STRN3: variants seen among roughly 807,000 people sequenced by gnomAD.
STRN3 encodes the protein striatin-3.
A neutral mutation model predicts 95.6 loss-of-function variants in STRN3; 29 were observed. The observed-to-expected ratio is 0.30, with a 90% CI of 0.23 to 0.41. STRN3 has a LOEUF of 0.41. Ranked by LOEUF, STRN3 falls within the 10% of genes least tolerant of loss-of-function variation. The pLI is 1.00. For synonymous variants in STRN3, 331 were observed against 357.6 expected (o/e 0.93, Z 0.84); for missense variants, 890 against 972.1 (o/e 0.92, Z 1.12).
At chr14:30,935,437 A>T (rs948097932) in intron 6 of STRN3, 133 bp from the exon 7 acceptor site, 104 of 937,952 alleles carry the variant, frequency 1.1e-4, no homozygotes, top group Non-Finnish European at 1.5e-4. Flanking sequence ...CTCCTATGTA[A>T]TTCACAAATC....
intron 16 of STRN3, 53 bp downstream of exon 16, chr14:30,902,483 G>T (rs777113986): frequency 6.0e-5 from 74 of 1,235,834 alleles, no homozygotes; most frequent in African/African-American, 9.2e-5. Context: ...CAGCATTTTT[G>T]ATCATCTCAA....
At chr14:30,915,491 G>T (rs1896715588) in intron 9 of STRN3, among the ~76,000 whole-genome samples, 1 of 152,112 alleles carries the variant, frequency 6.6e-6, no homozygotes. Flanking sequence ...GACACTTATT[G>T]AATCTGAATA....
rs148896753 is a variant in STRN3 at position 30,989,506 on chromosome 14, G to A, written c.283-33264C>T. Among the ~76,000 whole-genome samples the A allele has an allele frequency of 5.2e-3, 785 of 152,194 alleles. 3 individuals carry two copies. Among genetic ancestry groups the A allele is most frequent in the African/African-American group, 0.018 (728 of 41,530 alleles). ...GATGGAGTCTGGCTCTGTCGCCCAG[G>A]CTGGAGTGCAGTGGCGCAATCTCAA... On this transcript the variant is annotated intron_variant, in intron 1 of 17. Coordinates refer to ENST00000357479, the MANE Select transcript of STRN3 (RefSeq NM_001083893.2).
At chr14:30,953,369 A>T (rs938889473) in intron 3 of STRN3, among the ~76,000 whole-genome samples, 1 of 152,208 alleles carries the variant, frequency 6.6e-6, no homozygotes, top group Non-Finnish European at 1.5e-5. Flanking sequence ...TTTTGAATAT[A>T]ATAATTTCTT....
intron 1 of STRN3, among the ~76,000 whole-genome samples, chr14:30,985,028 T>C (rs1433986301): frequency 6.6e-6 from 1 of 152,096 alleles, no homozygotes; most frequent in African/African-American, 2.4e-5. Flanking sequence ...CAAAAATATT[T>C]TATCTTGGCC....
intron 8 of STRN3, among the ~76,000 whole-genome samples, chr14:30,922,665 T>TA (rs1352025662): frequency 6.6e-6 from 1 of 152,312 alleles, no homozygotes; most frequent in Non-Finnish European, 1.5e-5. Flanking sequence ...CTGGAAAAGA[T>TA]ACGCTTATTT....
At chr14:30,973,967 T>C (rs1214563519) in intron 1 of STRN3, among the ~76,000 whole-genome samples, 2 of 152,188 alleles carry the variant, frequency 1.3e-5, no homozygotes, top group Non-Finnish European at 2.9e-5. Context: ...TACTTCATCA[T>C]AATAAAAGCC....
intron 11 of STRN3, 62 bp downstream of exon 11, chr14:30,911,945 G>A (rs1896621674): frequency 1.9e-6 from 3 of 1,573,586 alleles, no homozygotes; most frequent in African/African-American, 2.7e-5. Context: ...CAATAATGAG[G>A]AATAATTACT....
At chr14:31,009,496 T>C (rs559397760) in intron 1 of STRN3, among the ~76,000 whole-genome samples, 2 of 145,334 alleles carry the variant, frequency 1.4e-5, no homozygotes, top group East Asian at 2.2e-4. Context: ...CGCGCCCCAG[T>C]TGAAAACCAC....
intron 1 of STRN3, among the ~76,000 whole-genome samples, chr14:30,992,672 A>G (rs1029435494): frequency 6.6e-6 from 1 of 151,678 alleles, no homozygotes; most frequent in African/African-American, 2.4e-5. Context: ...ACTGGTGCTC[A>G]GCTCAATTCA....
chr14:30,935,403 T>C, intron 6 of STRN3, 99 bp from the exon 7 acceptor site: 1 of 1,340,384 alleles, frequency 7.5e-7, no homozygotes, highest in East Asian at 2.5e-5. Flanking sequence ...CATTTTAAAA[T>C]TACTTGGATC....
At chr14:30,961,505 C>T (rs553993699) in intron 1 of STRN3, among the ~76,000 whole-genome samples, 7 of 152,196 alleles carry the variant, frequency 4.6e-5, no homozygotes, top group Admixed American at 1.3e-4. Flanking sequence ...ACGCATTAGA[C>T]GCATTATTCA....
intron 1 of STRN3, among the ~76,000 whole-genome samples, chr14:31,015,848 G>C (rs2139337459): frequency 6.6e-6 from 1 of 152,296 alleles, no homozygotes; most frequent in African/African-American, 2.4e-5. Flanking sequence ...ACCCAGGCCG[G>C]AGTGCAGTGG....
chr14:30,940,066 C>T (rs1879020668), intron 5 of STRN3, among the ~76,000 whole-genome samples: 1 of 151,870 alleles, frequency 6.6e-6, no homozygotes, highest in African/African-American at 2.4e-5. Context: ...AAGGATGTTA[C>T]CACTATTCTC....
intron 5 of STRN3, among the ~76,000 whole-genome samples, chr14:30,937,589 TAAC>T (rs1878885383): frequency 6.6e-6 from 1 of 152,168 alleles, no homozygotes; most frequent in South Asian, 2.1e-4. Flanking sequence ...TTTAAGTGTC[TAAC>T]AATAAAGGCA....
intron 1 of STRN3, among the ~76,000 whole-genome samples, chr14:30,962,432 C>T (rs1880258088): frequency 6.6e-6 from 1 of 152,134 alleles, no homozygotes; most frequent in South Asian, 2.1e-4. Flanking sequence ...GAGACAATGC[C>T]ACAGGCCTAC....
chr14:30,901,101 C>T (rs764489330), intron 16 of STRN3, among the ~76,000 whole-genome samples: 14 of 151,930 alleles, frequency 9.2e-5, no homozygotes, highest in Non-Finnish European at 1.8e-4. Context: ...AAAACATTAT[C>T]GGTTTCATAA....
intron 16 of STRN3, among the ~76,000 whole-genome samples, chr14:30,899,512 T>G (rs191684161): frequency 6.6e-6 from 1 of 152,316 alleles, no homozygotes; most frequent in African/African-American, 2.4e-5. Context: ...AAATTCAATA[T>G]TCTTAACCTG....
At chr14:30,898,589 G>A (rs1896220846) in intron 16 of STRN3, among the ~76,000 whole-genome samples, 1 of 152,176 alleles carries the variant, frequency 6.6e-6, no homozygotes, top group Non-Finnish European at 1.5e-5. Flanking sequence ...GCTGGACCAA[G>A]TTGTATGTTG....
Sources: gnomAD v4.1 joint callset for allele counts (sites outside exome capture counted in the v4.1 genomes callset) on GRCh38, gnomAD v4.1.1 for gene constraint, MANE v1.5 for transcripts, NCBI Gene and HGNC (gene_info 2026-07-23, HGNC 2026-07-21) for gene names.